RTL4: variants seen among roughly 807,000 people sequenced by gnomAD.
The protein encoded by RTL4 is retrotransposon Gag like 4.
In RTL4, 4 loss-of-function variants were observed where a neutral mutation model predicts 5.3. The ratio of observed to expected loss-of-function variants is 0.75; its 90% CI spans 0.37 to 1.72. The LOEUF (loss-of-function observed/expected upper bound fraction) is 1.72, where lower values mean the gene tolerates loss of function less well. Among genes scored for constraint, RTL4 ranks in the 40% most tolerant of loss-of-function variants. RTL4 has a pLI of 0.04. For synonymous variants in RTL4, 98 were observed against 87.3 expected (o/e 1.12, Z -0.68); for missense variants, 260 against 227.1 (o/e 1.14, Z -0.93).
At chrX:112,233,371 A>AT in the RTL4 span, among the ~76,000 whole-genome samples, 187 of 106,816 alleles carry the variant, frequency 1.8e-3, no homozygotes, top group African/African-American at 5.0e-3. Flanking sequence ...GTCTAAACAC[A>AT]TTTTTTTTTT....
the RTL4 span, among the ~76,000 whole-genome samples, chrX:112,303,788 T>TA: frequency 1.6e-4 from 17 of 105,694 alleles, no homozygotes; most frequent in East Asian, 3.5e-3. Flanking sequence ...AAAAAGAATT[T>TA]AAAAAAAAAA....
the RTL4 span, among the ~76,000 whole-genome samples, chrX:112,307,679 T>G: frequency 8.9e-6 from 1 of 111,911 alleles, no homozygotes; most frequent in Non-Finnish European, 1.9e-5. Context: ...ACATTTTTTC[T>G]TGTTGTTTCC....
chrX:112,310,414 A>G, the RTL4 span, among the ~76,000 whole-genome samples: 2 of 27,663 alleles, frequency 7.2e-5, no homozygotes, highest in East Asian at 1.6e-3. Flanking sequence ...ATATATATAT[A>G]TTTAATATAA....
At chrX:112,414,962 C>G in the RTL4 span, among the ~76,000 whole-genome samples, 4 of 111,610 alleles carry the variant, frequency 3.6e-5, no homozygotes, top group African/African-American at 1.3e-4. Flanking sequence ...TTTTTCCGCA[C>G]TAGCTATTAT....
chrX:112,131,458 T>C, the RTL4 span, among the ~76,000 whole-genome samples: 5 of 111,755 alleles, frequency 4.5e-5, no homozygotes, highest in Non-Finnish European at 9.4e-5. Context: ...AAGACTGATA[T>C]TGACAGGCTG....
the RTL4 span, among the ~76,000 whole-genome samples, chrX:112,134,120 T>C: frequency 2.7e-5 from 3 of 112,290 alleles, no homozygotes; most frequent in Admixed American, 2.8e-4. Context: ...AATTTTTAAG[T>C]AAATTGTCAC....
chrX:112,187,071 C>A, the RTL4 span, among the ~76,000 whole-genome samples: 1 of 112,008 alleles, frequency 8.9e-6, no homozygotes, highest in Non-Finnish European at 1.9e-5. Context: ...ACAGCCACAG[C>A]TATGGGTCTT....
chrX:112,369,558 C>A, the RTL4 span, among the ~76,000 whole-genome samples: 1 of 111,319 alleles, frequency 9.0e-6, no homozygotes, highest in Non-Finnish European at 1.9e-5. Context: ...TGAATGAGAT[C>A]CCTATATTGG....
chrX:112,111,462 C>T, the RTL4 span, among the ~76,000 whole-genome samples: 1 of 112,801 alleles, frequency 8.9e-6, no homozygotes, highest in Admixed American at 9.3e-5. Flanking sequence ...CTGCGACCTC[C>T]TTGGATTTTT....
At chrX:112,358,746 T>C in the RTL4 span, among the ~76,000 whole-genome samples, 1 of 111,690 alleles carries the variant, frequency 9.0e-6, no homozygotes, top group Non-Finnish European at 1.9e-5. Flanking sequence ...CTATATTATT[T>C]AGGGAAAGAC....
At chrX:112,121,463 G>A in the RTL4 span, among the ~76,000 whole-genome samples, 2 of 111,714 alleles carry the variant, frequency 1.8e-5, no homozygotes. Flanking sequence ...TAACATTTAA[G>A]GAACTTATTC....
chrX:112,161,930 C>T, the RTL4 span, among the ~76,000 whole-genome samples: 4 of 104,829 alleles, frequency 3.8e-5, no homozygotes, highest in Non-Finnish European at 5.8e-5. Context: ...TTCTAATATC[C>T]CCTCCCATTC....
At chrX:112,083,711 A>G in the RTL4 span, among the ~76,000 whole-genome samples, 1 of 111,011 alleles carries the variant, frequency 9.0e-6, no homozygotes, top group Non-Finnish European at 1.9e-5. Flanking sequence ...CCACTCTTTG[A>G]TCTTTACGCC....
the RTL4 span, among the ~76,000 whole-genome samples, chrX:112,421,744 C>T: frequency 1.8e-5 from 2 of 111,958 alleles, no homozygotes; most frequent in African/African-American, 6.5e-5. Flanking sequence ...TGATGATGTT[C>T]TTCAGTTTGG....
chrX:112,165,690 C>T, the RTL4 span, among the ~76,000 whole-genome samples: 1 of 111,438 alleles, frequency 9.0e-6, no homozygotes, highest in Admixed American at 9.6e-5. Context: ...TCACATCACC[C>T]CTCCTGGACC....
the RTL4 span, among the ~76,000 whole-genome samples, chrX:112,296,409 C>T: frequency 9.0e-6 from 1 of 110,672 alleles, no homozygotes; most frequent in South Asian, 3.9e-4. Context: ...TTCCTTTTAG[C>T]TACATTACAC....
At chrX:112,300,785 T>C in the RTL4 span, among the ~76,000 whole-genome samples, 1 of 112,461 alleles carries the variant, frequency 8.9e-6, no homozygotes, top group African/African-American at 3.2e-5. Flanking sequence ...CTGCTCCTAC[T>C]GTGTTTATGG....
the RTL4 span, among the ~76,000 whole-genome samples, chrX:112,273,517 G>C: frequency 1.8e-5 from 2 of 111,780 alleles, no homozygotes; most frequent in Non-Finnish European, 3.8e-5. Context: ...CTCCCAAAGT[G>C]CTGGGATTAC....
chrX:112,338,090 C>T, the RTL4 span, among the ~76,000 whole-genome samples: 1 of 111,713 alleles, frequency 9.0e-6, no homozygotes, highest in South Asian at 3.8e-4. Flanking sequence ...TCAAGATTTA[C>T]CAATTTACAG....
Sources: allele counts gnomAD v4.1 joint callset (sites outside exome capture counted in the v4.1 genomes callset), GRCh38; gene constraint gnomAD v4.1.1; transcripts MANE v1.5; gene names NCBI Gene and HGNC (gene_info 2026-07-23, HGNC 2026-07-21).